The following HNRNPM variants were observed in gnomAD, a reference collection of about 807,000 sequenced individuals.
The protein encoded by HNRNPM is heterogeneous nuclear ribonucleoprotein M, also known as CEA receptor.
In HNRNPM, 11 loss-of-function variants were observed where a neutral mutation model predicts 73.1. That is an observed-to-expected ratio of 0.15 (90% CI 0.09 to 0.25). HNRNPM has a LOEUF of 0.25. Among genes scored for constraint, HNRNPM ranks in the 10% least tolerant of loss-of-function variants. The pLI is 1.00. For missense variants in HNRNPM, 789 were observed against 1,067.9 expected (o/e 0.74, Z 3.64); for synonymous variants, 407 against 355.2 (o/e 1.15, Z -1.64).
Position 8,467,558 on chromosome 19 carries a change from T to C in HNRNPM, c.808T>C (p.Phe270Leu). 6.2e-7 allele frequency: 1 copy of C among 1,612,896 alleles called. No individual in the cohort carries two copies. Among genetic ancestry groups the C allele is most frequent in the Non-Finnish European group, 8.5e-7 (1 of 1,178,836 alleles). ...AISMFNGQLL[F>L]DRPMHVKMDE... ...AGCTATGTTCAATGGCCAGCTGCTATTTGATAGACCAATGCACGTCAAGAT... is the reference window on the plus strand; with the variant it reads ...AGCTATGTTCAATGGCCAGCTGCTACTTGATAGACCAATGCACGTCAAGAT... Residue 270 changes from phenylalanine to leucine, a missense_variant, in exon 8 of 16, where the codon TTT becomes CTT. Phe to Leu is a conservative substitution (Grantham distance 22). Coordinates refer to ENST00000325495, the MANE Select transcript of HNRNPM (RefSeq NM_005968.5).
chr19:8,446,424 C>G (rs553400205), intron 1 of HNRNPM, among the ~76,000 whole-genome samples: 2 of 152,100 alleles, frequency 1.3e-5, no homozygotes, highest in African/African-American at 4.8e-5. Flanking sequence ...TAATTTTTTT[C>G]TTTGAGACAG....
At chr19:8,475,266 C>T (rs906264382) in intron 12 of HNRNPM, among the ~76,000 whole-genome samples, 1 of 141,966 alleles carries the variant, frequency 7.0e-6, no homozygotes, top group East Asian at 2.6e-4. Flanking sequence ...GCCTCCAGCA[C>T]AGCACTTGGC....
At chr19:8,486,556 T>A in intron 14 of HNRNPM, 151 bp downstream of exon 14, 1 of 669,100 alleles carries the variant, frequency 1.5e-6, no homozygotes, top group Non-Finnish European at 2.5e-6. Flanking sequence ...GTGGGACAAG[T>A]AAGGAATGTG....
chr19:8,474,957 C>T (rs981327860), intron 12 of HNRNPM, among the ~76,000 whole-genome samples: 2 of 152,204 alleles, frequency 1.3e-5, no homozygotes, highest in Non-Finnish European at 2.9e-5. Flanking sequence ...TCATGTGATC[C>T]GCCCGCCTCA....
At chr19:8,452,041 T>G (rs909679041) in intron 1 of HNRNPM, among the ~76,000 whole-genome samples, 5 of 152,320 alleles carry the variant, frequency 3.3e-5, no homozygotes, top group Middle Eastern at 3.4e-3. Context: ...CTGTGCCCAT[T>G]AAGCATGGTG....
intron 12 of HNRNPM, chr19:8,481,342 A>C (rs913969869): frequency 2.6e-5 from 4 of 152,862 alleles, no homozygotes; most frequent in Non-Finnish European, 5.8e-5. Context: ...TGGCTCTGCT[A>C]GGGGGCTCAG....
In HNRNPM at chr19:8,455,496, A is replaced by G. The variant is rs754895663; in HGVS notation, c.205A>G (p.Lys69Glu). Residue 69 changes from lysine (K) to glutamate (E), a missense_variant, in exon 2 of 16, where the codon AAA becomes GAA. By Grantham distance (56) the Lys-to-Glu change is moderately conservative. Coordinates refer to ENST00000325495, the MANE Select transcript of HNRNPM (RefSeq NM_005968.5). ...NRFEPYANPT[K>E]RYRAFITNIP... ...CTTTGAGCCATATGCCAATCCAACT[A>G]AAAGATACAGAGCCTTCATTACAAA... The G allele has an allele frequency of 1.2e-6, 2 of 1,613,832 alleles. No homozygotes were observed. The highest frequency in any genetic ancestry group is 1.7e-5 in the Admixed American group (1 of 60,026).
At chr19:8,446,522 A>T (rs936496213) in intron 1 of HNRNPM, among the ~76,000 whole-genome samples, 2 of 152,124 alleles carry the variant, frequency 1.3e-5, no homozygotes, top group Admixed American at 6.6e-5. Context: ...CGATCCTTCC[A>T]TCTCAGCCTC....
chr19:8,479,326 G>C (rs1970741866), intron 12 of HNRNPM, among the ~76,000 whole-genome samples: 1 of 151,898 alleles, frequency 6.6e-6, no homozygotes, highest in African/African-American at 2.4e-5. Context: ...TGATCCACCT[G>C]CCTCTGCCTC....
intron 2 of HNRNPM, among the ~76,000 whole-genome samples, chr19:8,457,955 C>A (rs964252604): frequency 6.6e-6 from 1 of 152,140 alleles, no homozygotes; most frequent in Non-Finnish European, 1.5e-5. Context: ...CTTTATCAGT[C>A]TGTGTTTTAA....
At chr19:8,479,023 T>G (rs1052891576) in intron 12 of HNRNPM, among the ~76,000 whole-genome samples, 3 of 148,154 alleles carry the variant, frequency 2.0e-5, no homozygotes, top group Non-Finnish European at 2.9e-5. Context: ...AGAGAAATTA[T>G]TTTTTCAGTT....
At chr19:8,479,205 A>C (rs7248478) in intron 12 of HNRNPM, among the ~76,000 whole-genome samples, 141,081 of 150,950 alleles carry the variant, frequency 0.93, 66,644 homozygotes, top group East Asian at 1. Flanking sequence ...CCTGCTTCAG[A>C]CTCTTGAGTA....
chr19:8,445,465 CG>C (rs1968082537), intron 1 of HNRNPM: 2 of 199,016 alleles, frequency 1.0e-5, no homozygotes, highest in Non-Finnish European at 2.0e-5. Flanking sequence ...AGGGTGACCT[CG>C]GGGGCCGGGT....
chr19:8,453,838 C>T (rs550832205), intron 1 of HNRNPM, among the ~76,000 whole-genome samples: 270 of 152,280 alleles, frequency 1.8e-3, no homozygotes, highest in Middle Eastern at 6.8e-3. Context: ...AGCCAGTGCC[C>T]GGGCTTCCAA....
intron 12 of HNRNPM, among the ~76,000 whole-genome samples, chr19:8,477,752 T>A (rs1473043305): frequency 6.6e-6 from 1 of 151,468 alleles, no homozygotes; most frequent in Non-Finnish European, 1.5e-5. Flanking sequence ...ATGCAGCCAC[T>A]GCAGTTGTCA....
intron 2 of HNRNPM, among the ~76,000 whole-genome samples, chr19:8,457,599 G>T (rs1185658109): frequency 1.3e-5 from 2 of 152,198 alleles, no homozygotes; most frequent in Non-Finnish European, 2.9e-5. Flanking sequence ...GTATAGGATT[G>T]TGGGTAAAGT....
At chr19:8,449,074 A>T (rs1253155709) in intron 1 of HNRNPM, among the ~76,000 whole-genome samples, 2 of 152,212 alleles carry the variant, frequency 1.3e-5, no homozygotes, top group East Asian at 3.8e-4. Flanking sequence ...GATTCTCTAT[A>T]CAATGCATTT....
At chr19:8,456,923 C>T (rs1969066807) in intron 2 of HNRNPM, among the ~76,000 whole-genome samples, 1 of 152,156 alleles carries the variant, frequency 6.6e-6, no homozygotes, top group Non-Finnish European at 1.5e-5. Flanking sequence ...CATGCTGCAT[C>T]CCAGATGCAG....
chr19:8,457,947 TTA>T (rs1315953848), intron 2 of HNRNPM, among the ~76,000 whole-genome samples: 1 of 152,226 alleles, frequency 6.6e-6, no homozygotes, highest in Non-Finnish European at 1.5e-5. Flanking sequence ...TAAGCACTCT[TTA>T]TCAGTCTGTG....
Sources: gnomAD v4.1 joint callset for allele counts (sites outside exome capture counted in the v4.1 genomes callset) on GRCh38, gnomAD v4.1.1 for gene constraint, MANE v1.5 for transcripts, NCBI Gene and HGNC (gene_info 2026-07-23, HGNC 2026-07-21) for gene names.